The following PARD3B variants were observed in gnomAD, a reference collection of about 807,000 sequenced individuals.
PARD3B encodes partitioning defective 3 homolog B.
In PARD3B, 103 loss-of-function variants were observed where a neutral mutation model predicts 130.2. That is an observed-to-expected ratio of 0.79 (90% confidence interval 0.67 to 0.93). PARD3B has a LOEUF of 0.93. Ranked by LOEUF, PARD3B falls within the 40% of genes least tolerant of loss-of-function variation. The pLI, the probability that PARD3B is intolerant of heterozygous loss-of-function variation, is 0.00. For synonymous variants in PARD3B, 583 were observed against 553.2 expected (o/e 1.05, Z -0.76); for missense variants, 1,609 against 1,499.2 (o/e 1.07, Z -1.21).
At chr2:205,231,489 A>G (rs2038834465) in intron 15 of PARD3B, among the ~76,000 whole-genome samples, 1 of 149,496 alleles carries the variant, frequency 6.7e-6, no homozygotes, top group African/African-American at 2.5e-5. Context: ...ACCATGCCCA[A>G]CTAATTTTTG....
At chr2:204,974,390 A>G (rs1388910171) in intron 3 of PARD3B, among the ~76,000 whole-genome samples, 1 of 152,176 alleles carries the variant, frequency 6.6e-6, no homozygotes, top group African/African-American at 2.4e-5. Context: ...TAACACTTAT[A>G]TTTGGTGTTT....
At position 204,890,120 on chromosome 2, in the gene PARD3B, T is replaced by C. The variant is rs2046394999; in HGVS notation, c.223-75032T>C. Among the ~76,000 whole-genome samples the C allele has an allele frequency of 6.6e-6, 1 of 152,262 alleles. No homozygotes were observed. Among genetic ancestry groups the C allele is most frequent in the Non-Finnish European group, 1.5e-5 (1 of 68,050 alleles). On this transcript the variant is annotated intron_variant, in intron 2 of 22. Coordinates refer to ENST00000406610, the MANE Select transcript of PARD3B (RefSeq NM_001302769.2). The surrounding 1 kb of genome is among the most constrained non-coding windows in gnomAD (Gnocchi z 4.9). ...AATTTACCATGTCTGCTTTGCCTTC[T>C]CCGCCTTCTCCGCATGCCAGCAGGA... is the stretch of plus-strand genomic sequence containing the variant.
chr2:205,269,312 A>G lies in PARD3B; in HGVS notation c.2185+23490A>G, dbSNP rs2040628220. ...TACTTAATCCTATAAAAATAATGAC[A>G]TACTCTTATAATTAAATAGACTTAT... is the stretch of plus-strand genomic sequence containing the variant. On this transcript the variant is annotated intron_variant, in intron 16 of 22. Coordinates refer to ENST00000406610, the MANE Select transcript of PARD3B (RefSeq NM_001302769.2). This position sits in a 1 kb window ranked among gnomAD's most constrained non-coding sequence, Gnocchi z 4.7. Among the ~76,000 whole-genome samples the G allele has an allele frequency of 6.6e-6, 1 of 152,284 alleles. No homozygotes were observed. The highest frequency in any genetic ancestry group is 2.1e-4 in the South Asian group (1 of 4,824).
At chr2:204,850,612 T>G (rs2044668067) in intron 2 of PARD3B, among the ~76,000 whole-genome samples, 1 of 152,096 alleles carries the variant, frequency 6.6e-6, no homozygotes, top group Non-Finnish European at 1.5e-5. Context: ...TGATATGAAC[T>G]CGTTGTATTC....
intron 18 of PARD3B, among the ~76,000 whole-genome samples, chr2:205,399,499 C>T (rs920140219): frequency 1.2e-4 from 18 of 151,594 alleles, no homozygotes; most frequent in Non-Finnish European, 1.9e-4. Flanking sequence ...GGACTACAGG[C>T]ATGCACCACG....
chr2:205,437,717 G>A (rs1005376536), intron 19 of PARD3B, among the ~76,000 whole-genome samples: 2 of 152,154 alleles, frequency 1.3e-5, no homozygotes, highest in Non-Finnish European at 2.9e-5. Flanking sequence ...CCCAAGAGGT[G>A]TTATGGAGAA....
chr2:204,548,851 C>G (rs1204639474), intron 1 of PARD3B, among the ~76,000 whole-genome samples: 1 of 151,948 alleles, frequency 6.6e-6, no homozygotes, highest in Non-Finnish European at 1.5e-5. Context: ...TCTTAGACAT[C>G]CAGGTGGCGA....
chr2:205,196,593 T>C (rs1457886600), intron 15 of PARD3B, among the ~76,000 whole-genome samples: 1 of 152,206 alleles, frequency 6.6e-6, no homozygotes, highest in African/African-American at 2.4e-5. Flanking sequence ...GTTTATCTCA[T>C]TTTCCTCTGG....
At chr2:205,579,190 A>T (rs1455966381) in intron 22 of PARD3B, among the ~76,000 whole-genome samples, 1 of 152,202 alleles carries the variant, frequency 6.6e-6, no homozygotes, top group African/African-American at 2.4e-5. Context: ...ACGGTTGAGC[A>T]TCTGGATTTT....
chr2:204,927,694 A>C (rs1194365420), intron 2 of PARD3B, among the ~76,000 whole-genome samples: 1 of 152,142 alleles, frequency 6.6e-6, no homozygotes, highest in East Asian at 1.9e-4. Context: ...ATATTTCAAG[A>C]AGGAATTTTG....
chr2:205,544,158 G>T (rs537430926), intron 21 of PARD3B, among the ~76,000 whole-genome samples: 1 of 152,052 alleles, frequency 6.6e-6, no homozygotes, highest in Non-Finnish European at 1.5e-5. Flanking sequence ...TCTAGTGATT[G>T]ATGTCACTAA....
At chr2:204,935,340 T>C (rs58416129) in intron 2 of PARD3B, among the ~76,000 whole-genome samples, 2,732 of 144,860 alleles carry the variant, frequency 0.019, 76 homozygotes, top group African/African-American at 0.062. Context: ...CCATCCTGGC[T>C]AACACGGTGA....
rs2035469145 is a variant in PARD3B at position 205,176,377 on chromosome 2, C to A, written c.1792-68C>A. 4.2e-6 allele frequency: 6 copies of A among 1,428,042 alleles called. No homozygotes were observed. The highest frequency in any genetic ancestry group is 5.7e-6 in the Non-Finnish European group (6 of 1,054,250). 88.5% of individuals were successfully genotyped at this position (1,428,042 alleles called of 1,614,324 possible). On this transcript the variant is annotated intron_variant, in intron 12 of 22. Transcript: ENST00000406610. The surrounding 1 kb of genome is among the most constrained non-coding windows in gnomAD (Gnocchi z 5.3). Reference sequence around the variant, plus strand: ...TATTCATACAGCGATCATTCTTTCACTTTGCTTCAACTGACCAAGTTGGAA... The same window carrying A: ...TATTCATACAGCGATCATTCTTTCAATTTGCTTCAACTGACCAAGTTGGAA...
At chr2:205,439,187 T>C (rs2047625658) in intron 19 of PARD3B, among the ~76,000 whole-genome samples, 1 of 152,126 alleles carries the variant, frequency 6.6e-6, no homozygotes, top group Non-Finnish European at 1.5e-5. Flanking sequence ...TGGGTTTCAG[T>C]TGTTTTTTTA....
At chr2:205,120,272 A>C (rs1157929542) in intron 7 of PARD3B, among the ~76,000 whole-genome samples, 1 of 152,212 alleles carries the variant, frequency 6.6e-6, no homozygotes, top group African/African-American at 2.4e-5. Flanking sequence ...ATAGAGGTGG[A>C]AACTGAGGCT....
In PARD3B at chr2:204,857,069, T is replaced by G. The variant is rs745985964; in HGVS notation, c.223-108083T>G. On this transcript the variant is annotated intron_variant, in intron 2 of 22. Coordinates refer to ENST00000406610, the MANE Select transcript of PARD3B (RefSeq NM_001302769.2). Reference sequence around the variant, plus strand: ...TTGACCCCCACTCCACTTTTAAATTTAAAAAAGAATCTCTCACTTATTATC... The same window carrying G: ...TTGACCCCCACTCCACTTTTAAATTGAAAAAAGAATCTCTCACTTATTATC... Among the ~76,000 whole-genome samples, 59 of 152,234 alleles carry G rather than the reference T, an allele frequency of 3.9e-4. 1 individual carries two copies. The Middle Eastern group carries it at 0.014, about 35-fold the overall frequency.
chr2:204,873,865 A>G (rs2045734133), intron 2 of PARD3B, among the ~76,000 whole-genome samples: 1 of 152,246 alleles, frequency 6.6e-6, no homozygotes, highest in African/African-American at 2.4e-5. Flanking sequence ...ACTAATGGCC[A>G]TGTGTGGTGG....
intron 1 of PARD3B, among the ~76,000 whole-genome samples, chr2:204,649,410 C>T (rs1253761263): frequency 6.6e-6 from 1 of 151,874 alleles, no homozygotes; most frequent in Admixed American, 6.6e-5. Context: ...TGTCTACTTT[C>T]TTCCCTGTTT....
intron 2 of PARD3B, among the ~76,000 whole-genome samples, chr2:204,931,530 A>G (rs1246243331): frequency 3.9e-5 from 6 of 151,976 alleles, no homozygotes; most frequent in Non-Finnish European, 8.8e-5. Context: ...ACTTTGTAAG[A>G]TAGCCATTGT....
Sources: allele counts gnomAD v4.1 joint callset (sites outside exome capture counted in the v4.1 genomes callset), GRCh38; gene constraint gnomAD v4.1.1; non-coding constraint Gnocchi (gnomAD v3.1); transcripts MANE v1.5; gene names NCBI Gene and HGNC (gene_info 2026-07-23, HGNC 2026-07-21).